The following SYT1 variants were observed in gnomAD, a reference collection of about 807,000 sequenced individuals.
SYT1 encodes the protein synaptotagmin-1.
Under a neutral mutation model 44.8 loss-of-function variants are expected in SYT1, and 8 were observed. The ratio of observed to expected loss-of-function variants is 0.18; its 90% CI spans 0.10 to 0.32. The LOEUF (loss-of-function observed/expected upper bound fraction) is 0.32. Ranked by LOEUF, SYT1 falls within the 10% of genes least tolerant of loss-of-function variation. The pLI, the probability that SYT1 is intolerant of heterozygous loss-of-function variation, is 1.00. For synonymous variants in SYT1, 154 were observed against 188.8 expected (o/e 0.82, Z 1.51); for missense variants, 286 against 509.3 (o/e 0.56, Z 4.22).
intron 3 of SYT1, among the ~76,000 whole-genome samples, chr12:79,148,897 A>G (rs1046585268): frequency 5.3e-5 from 8 of 152,084 alleles, no homozygotes; most frequent in Non-Finnish European, 5.9e-5. Context: ...AGGATTTTTG[A>G]CCTTTATTGT....
intron 3 of SYT1, among the ~76,000 whole-genome samples, chr12:79,198,512 C>G (rs904483482): frequency 6.6e-6 from 1 of 151,270 alleles, no homozygotes; most frequent in Non-Finnish European, 1.5e-5. Context: ...TTATGCAATA[C>G]ACAGAAAACA....
chr12:78,987,810 G>T (rs117022563), intron 2 of SYT1, among the ~76,000 whole-genome samples: 1 of 152,048 alleles, frequency 6.6e-6, no homozygotes. Flanking sequence ...GAAGCAGAGG[G>T]AATACATCCT....
intron 3 of SYT1, among the ~76,000 whole-genome samples, chr12:79,168,510 T>C (rs762231160): frequency 9.9e-5 from 15 of 152,098 alleles, no homozygotes; most frequent in Non-Finnish European, 2.1e-4. Flanking sequence ...AGAATATTGC[T>C]AGTTTTTACT....
chr12:79,045,076 TTGTC>T (rs1320745387), intron 2 of SYT1, among the ~76,000 whole-genome samples: 1 of 152,032 alleles, frequency 6.6e-6, no homozygotes, highest in African/African-American at 2.4e-5. Context: ...GTCTTTTTGT[TTGTC>T]TGTGCCCTGC....
At chr12:79,404,921 A>C (rs372889337) in intron 9 of SYT1, among the ~76,000 whole-genome samples, 5 of 152,158 alleles carry the variant, frequency 3.3e-5, no homozygotes, top group African/African-American at 1.2e-4. Flanking sequence ...AGGTTAATAC[A>C]TTAAGGCAGC....
chr12:79,161,698 A>T (rs1400767334), intron 3 of SYT1, among the ~76,000 whole-genome samples: 1 of 152,136 alleles, frequency 6.6e-6, no homozygotes. Context: ...TAACATTCCC[A>T]GGGTCACAGA....
At chr12:78,897,682 C>T (rs1875437944) in intron 1 of SYT1, among the ~76,000 whole-genome samples, 10 of 152,058 alleles carry the variant, frequency 6.6e-5, no homozygotes, top group Admixed American at 6.6e-4. Context: ...TATGCTAGGG[C>T]TTTACATCTA....
intron 8 of SYT1, among the ~76,000 whole-genome samples, chr12:79,342,281 G>GT (rs1231749255): frequency 6.6e-6 from 1 of 152,108 alleles, no homozygotes; most frequent in Non-Finnish European, 1.5e-5. Flanking sequence ...GCCCAGGCTG[G>GT]AGTGCAGTGC....
chr12:79,324,688 G>A (rs1428244061), intron 8 of SYT1, among the ~76,000 whole-genome samples: 1 of 152,142 alleles, frequency 6.6e-6, no homozygotes, highest in East Asian at 1.9e-4. Context: ...GGTTTGAGAT[G>A]TGCAGCATCA....
At chr12:78,982,693 C>A (rs189456640) in intron 2 of SYT1, among the ~76,000 whole-genome samples, 135 of 152,152 alleles carry the variant, frequency 8.9e-4, no homozygotes, top group Non-Finnish European at 7.1e-4. Context: ...ATTTTCTAAA[C>A]GGTTTTGTTA....
chr12:79,304,842 T>G (rs1880315666), intron 8 of SYT1, among the ~76,000 whole-genome samples: 1 of 152,006 alleles, frequency 6.6e-6, no homozygotes, highest in South Asian at 2.1e-4. Flanking sequence ...ATATTAAAAC[T>G]ATAATATATA....
chr12:79,320,644 T>TC (rs1213541810), intron 8 of SYT1, among the ~76,000 whole-genome samples: 6 of 148,910 alleles, frequency 4.0e-5, no homozygotes, highest in Non-Finnish European at 7.4e-5. Context: ...TTTTTCTTTT[T>TC]CCCCTTTTTT....
At chr12:79,125,742 C>T (rs2138154076) in intron 3 of SYT1, among the ~76,000 whole-genome samples, 1 of 152,216 alleles carries the variant, frequency 6.6e-6, no homozygotes, top group South Asian at 2.1e-4. Context: ...ATGCAGCTTG[C>T]TAATAGGCAT....
At chr12:79,443,974 A>G in intron 9 of SYT1, 99 bp from the exon 10 acceptor site, 1 of 1,276,514 alleles carries the variant, frequency 7.8e-7, no homozygotes, top group East Asian at 2.6e-5. Flanking sequence ...CATGCTATAT[A>G]ATTATTTACC....
At chr12:79,210,111 G>A (rs1874352631) in intron 3 of SYT1, among the ~76,000 whole-genome samples, 1 of 152,072 alleles carries the variant, frequency 6.6e-6, no homozygotes, top group Non-Finnish European at 1.5e-5. Flanking sequence ...ATATTAATTT[G>A]TAGATCTAGA....
chr12:79,307,997 C>T (rs1213607752), intron 8 of SYT1, among the ~76,000 whole-genome samples: 1 of 152,142 alleles, frequency 6.6e-6, no homozygotes. Context: ...ACCTCATGGG[C>T]TGAGACGTTT....
chr12:78,957,256 T>C (rs1879261074), intron 1 of SYT1, among the ~76,000 whole-genome samples: 1 of 152,080 alleles, frequency 6.6e-6, no homozygotes, highest in South Asian at 2.1e-4. Context: ...ACAGCTTGAG[T>C]CCAGTTGTTC....
Position 79,335,603 on chromosome 12 carries a change from T to C in SYT1, c.811-17899T>C, listed in dbSNP as rs1158096280. Among the ~76,000 whole-genome samples the C allele has an allele frequency of 6.6e-5, 10 of 152,166 alleles. No individual in the cohort carries two copies. The South Asian group carries it at 1.0e-3, about 16-fold the overall frequency. ...AGAGAAGTATAAATAATATGTAACA[T>C]TGATAACATTTTCCTCCATTCAATC... On this transcript the variant is annotated intron_variant, in intron 8 of 10. Transcript: ENST00000261205.
chr12:79,417,164 C>T (rs911725816), intron 9 of SYT1, among the ~76,000 whole-genome samples: 4 of 152,056 alleles, frequency 2.6e-5, no homozygotes, highest in Non-Finnish European at 5.9e-5. Flanking sequence ...GTCATTGAAA[C>T]CTGTGTCTTC....
Sources: gnomAD v4.1 joint callset for allele counts (sites outside exome capture counted in the v4.1 genomes callset) on GRCh38, gnomAD v4.1.1 for gene constraint, MANE v1.5 for transcripts, NCBI Gene and HGNC (gene_info 2026-07-23, HGNC 2026-07-21) for gene names.